The following FMR1NB variants were observed in gnomAD, a reference collection of about 807,000 sequenced individuals.
FMR1NB encodes the protein FMR1 neighbor protein.
A neutral mutation model predicts 16.8 loss-of-function variants in FMR1NB; 10 were observed. That is an observed-to-expected ratio of 0.60 (90% CI 0.37 to 1.01). The LOEUF (loss-of-function observed/expected upper bound fraction) is 1.01, where lower values mean the gene tolerates loss of function less well. FMR1NB is among the 50% of genes least tolerant of loss of function. The pLI is 0.01. For missense variants in FMR1NB, 205 were observed against 204.8 expected, an observed-to-expected ratio of 1.00 and a Z score of 0.00; for synonymous variants, 83 against 79.1, an observed-to-expected ratio of 1.05 and a Z score of -0.26.
At chrX:147,991,434 C>T (rs1355126683) in intron 1 of FMR1NB, among the ~76,000 whole-genome samples, 3 of 109,895 alleles carry the variant, frequency 2.7e-5, no homozygotes, top group East Asian at 2.9e-4. Flanking sequence ...TTTCCATGCT[C>T]TCCCCTAACA....
intron 2 of FMR1NB, among the ~76,000 whole-genome samples, chrX:148,006,012 T>C (rs142651869): frequency 0.014 from 1,621 of 111,824 alleles, 32 homozygotes; most frequent in African/African-American, 0.05. Context: ...ATATTGTGCT[T>C]TTTAGTTTGT....
chrX:148,017,590 A>G (rs1274440676), intron 4 of FMR1NB, among the ~76,000 whole-genome samples: 1 of 107,311 alleles, frequency 9.3e-6, no homozygotes, highest in African/African-American at 3.4e-5. Flanking sequence ...GTTTTAGGGT[A>G]CATGTGCACA....
In FMR1NB at chrX:147,988,027, T is replaced by C. The variant is rs782276420; in HGVS notation, c.277+6348T>C. 1.4e-4 allele frequency among the ~76,000 whole-genome samples: 16 copies of C among 111,880 alleles called. No homozygotes were observed. The South Asian group carries it at 5.7e-3, about 40-fold the overall frequency. On this transcript the variant is annotated intron_variant, in intron 1 of 5. Coordinates refer to ENST00000370467, the MANE Select transcript of FMR1NB (RefSeq NM_152578.3). ...AGCCGATTTACATTTAAGGTTAATA[T>C]TGTTATGTGTGAATTTGATCCTGTC...
In FMR1NB at chrX:148,003,267, C is replaced by G; in HGVS notation, c.344C>G (p.Ser115Cys). The G allele has an allele frequency of 8.3e-7, 1 of 1,210,895 alleles. No homozygotes were observed. Among genetic ancestry groups the G allele is most frequent in the Non-Finnish European group, 1.1e-6 (1 of 894,640 alleles). The change falls in exon 2 of 6, where the codon TCT becomes TGT. Residue 115 changes from serine to cysteine, a missense_variant. Ser to Cys is a moderately radical substitution (Grantham distance 112, BLOSUM62 -1). Coordinates refer to ENST00000370467, the MANE Select transcript of FMR1NB (RefSeq NM_152578.3). ...AACAGTGAAAATGCTCATGGCCAAT[C>G]TCTGGAAGAAGATTCCGCATTGGAA... ...LPNSENAHGQSLEEDSALEAL... is the reference protein window; with the variant it reads ...LPNSENAHGQCLEEDSALEAL...
rs143617624 is a variant in FMR1NB, at chrX:148,014,761, C to T, written c.632+6050C>T. On this transcript the variant is annotated intron_variant, in intron 4 of 5. Coordinates refer to ENST00000370467, the MANE Select transcript of FMR1NB (RefSeq NM_152578.3). ...CCGGGCTCCGGCAATCCTCCCACCT[C>T]AGCCTCCCGAGTACCCAGGACCACA... 6.4e-3 allele frequency among the ~76,000 whole-genome samples: 712 copies of T among 111,440 alleles called. 3 individuals are homozygous for T. Among genetic ancestry groups the T allele is most frequent in the Middle Eastern group, 9.2e-3 (2 of 218 alleles).
chrX:147,994,136 C>T (rs1271687317), intron 1 of FMR1NB, among the ~76,000 whole-genome samples: 1 of 111,518 alleles, frequency 9.0e-6, no homozygotes, highest in Non-Finnish European at 1.9e-5. Flanking sequence ...CAGACCCAAG[C>T]CCAAAGACTT....
At chrX:148,005,522 GAAC>G (rs2044592088) in intron 2 of FMR1NB, among the ~76,000 whole-genome samples, 1 of 111,760 alleles carries the variant, frequency 8.9e-6, no homozygotes, top group Non-Finnish European at 1.9e-5. Context: ...TTAGAATATA[GAAC>G]AACAAGTAGG....
At position 147,981,614 on chromosome X, in the gene FMR1NB, T is replaced by A; in HGVS notation, c.212T>A (p.Met71Lys). The change falls in exon 1 of 6, where the codon ATG becomes AAG. Residue 71 changes from methionine (M) to lysine (K), a missense_variant. By Grantham distance (95) the Met-to-Lys change is moderately conservative. Coordinates refer to ENST00000370467, the MANE Select transcript of FMR1NB (RefSeq NM_152578.3). ...ATGCGGGTCAGCAAACCCTTTGGGA[T>A]GCTCATGCTCTCCATTTGGATCCTG... is the stretch of plus-strand genomic sequence containing the variant. ...LKMRVSKPFGMLMLSIWILLF... is the reference protein window; with the variant it reads ...LKMRVSKPFGKLMLSIWILLF... 1 of 1,210,661 alleles carries A rather than the reference T, an allele frequency of 8.3e-7. No individual in the cohort carries two copies. The highest frequency in any genetic ancestry group is 1.1e-6 in the Non-Finnish European group (1 of 895,193).
At chrX:147,991,869 C>A (rs1166608758) in intron 1 of FMR1NB, among the ~76,000 whole-genome samples, 1 of 106,716 alleles carries the variant, frequency 9.4e-6, no homozygotes, top group Non-Finnish European at 1.9e-5. Context: ...TCTTAACGAG[C>A]ATGCTGCCTT....
chrX:147,995,687 C>T (rs1261570046), intron 1 of FMR1NB, among the ~76,000 whole-genome samples: 2 of 112,701 alleles, frequency 1.8e-5, no homozygotes, highest in African/African-American at 6.4e-5. Context: ...GCCTTAGCTG[C>T]ATGGACAGAT....
At chrX:147,992,324 T>C (rs1187097133) in intron 1 of FMR1NB, among the ~76,000 whole-genome samples, 1 of 75,632 alleles carries the variant, frequency 1.3e-5, no homozygotes, top group Non-Finnish European at 2.5e-5. Context: ...AGGGGGCGGC[T>C]GGCCGGGCAG....
chrX:148,020,387 A>C (rs1361952479), intron 4 of FMR1NB, among the ~76,000 whole-genome samples: 1 of 111,059 alleles, frequency 9.0e-6, no homozygotes, highest in Non-Finnish European at 1.9e-5. Flanking sequence ...TTGGTGCTCT[A>C]CTCCCCTGTG....
intron 3 of FMR1NB, 55 bp from the exon 4 acceptor site, chrX:148,008,563 G>T (rs1364257359): frequency 1.8e-6 from 2 of 1,094,669 alleles, no homozygotes; most frequent in African/African-American, 3.7e-5. Context: ...AAAGAACTTG[G>T]ATTTACTTCT....
At chrX:147,987,286 T>C (rs782273664) in intron 1 of FMR1NB, among the ~76,000 whole-genome samples, 9 of 111,901 alleles carry the variant, frequency 8.0e-5, no homozygotes, top group Non-Finnish European at 1.5e-4. Flanking sequence ...CAATTTGACT[T>C]CCTCTCTTCC....
At chrX:148,026,209 T>G (rs1557190987) in intron 5 of FMR1NB, among the ~76,000 whole-genome samples, 1 of 111,105 alleles carries the variant, frequency 9.0e-6, no homozygotes, top group Non-Finnish European at 1.9e-5. Context: ...TATGTAACAT[T>G]ATAACTAGAC....
chrX:147,986,907 G>C (rs1167560859), intron 1 of FMR1NB, among the ~76,000 whole-genome samples: 1 of 111,650 alleles, frequency 9.0e-6, no homozygotes, highest in African/African-American at 3.3e-5. Context: ...AAATTACTTT[G>C]GGCAGTATGG....
intron 1 of FMR1NB, among the ~76,000 whole-genome samples, chrX:147,985,054 C>T (rs1011145573): frequency 3.6e-5 from 4 of 111,449 alleles, no homozygotes; most frequent in African/African-American, 9.8e-5. Context: ...CCTTATAATA[C>T]GCTGTTGCAT....
intron 1 of FMR1NB, among the ~76,000 whole-genome samples, chrX:147,991,454 C>T (rs1557187604): frequency 9.1e-6 from 1 of 109,601 alleles, no homozygotes; most frequent in Non-Finnish European, 1.9e-5. Flanking sequence ...AAAATTCTAA[C>T]CTCTTTCACC....
In FMR1NB at chrX:148,024,853, T is replaced by C. The variant is rs782288458; in HGVS notation, c.633-12T>C. On this transcript the variant is annotated splice_polypyrimidine_tract_variant and intron_variant, in intron 4 of 5. Coordinates refer to ENST00000370467, the MANE Select transcript of FMR1NB (RefSeq NM_152578.3). ...GAGAAATAAGGTTTCACTTGAACTTTTTATGTTACAGCGAACCGGCCGATG... is the reference window on the plus strand; with the variant it reads ...GAGAAATAAGGTTTCACTTGAACTTCTTATGTTACAGCGAACCGGCCGATG... 1.2e-5 allele frequency: 14 copies of C among 1,206,076 alleles called. No individual in the cohort carries two copies. In the African/African-American group the frequency reaches 2.4e-4, roughly 21 times the overall value.
Sources: allele counts gnomAD v4.1 joint callset (sites outside exome capture counted in the v4.1 genomes callset), GRCh38; gene constraint gnomAD v4.1.1; transcripts MANE v1.5; gene names NCBI Gene and HGNC (gene_info 2026-07-23, HGNC 2026-07-21).